Variants in PDZK1IP1 observed in about 807,000 individuals in gnomAD.
PDZK1IP1 encodes the protein PDZK1-interacting protein 1.
In PDZK1IP1, 9 loss-of-function variants were observed where a neutral mutation model predicts 14.7. The observed-to-expected ratio is 0.61, with a 90% confidence interval of 0.37 to 1.07. The LOEUF (loss-of-function observed/expected upper bound fraction) is 1.07, where lower values mean the gene tolerates loss of function less well. Among genes scored for constraint, PDZK1IP1 ranks in the 50% least tolerant of loss-of-function variants. The pLI, the probability that PDZK1IP1 is intolerant of heterozygous loss-of-function variation, is 0.01. For missense variants in PDZK1IP1, 152 were observed against 148.7 expected, an observed-to-expected ratio of 1.02 and a Z score of -0.11; for synonymous variants, 70 against 61.2, an observed-to-expected ratio of 1.14 and a Z score of -0.67.
chr1:47,189,838 C>T lies in PDZK1IP1; in HGVS notation c.67+28G>A, dbSNP rs866269239. The T allele has an allele frequency of 1.7e-5, 27 of 1,559,800 alleles. No homozygotes were observed. The Middle Eastern group carries it at 1.9e-3, about 111-fold the overall frequency. ...ACCACCTGTCCACCCCTGGGTCTCC[C>T]GTGCCCAGCCCTCTCCTCCTGAGCT... On this transcript the variant is annotated intron_variant, in intron 1 of 3. Transcript: ENST00000294338.
chr1:47,189,067 A>G (rs895325926), intron 1 of PDZK1IP1, among the ~76,000 whole-genome samples: 7 of 135,642 alleles, frequency 5.2e-5, no homozygotes, highest in African/African-American at 1.7e-4. Context: ...CTGTGACTCA[A>G]CCTCTCTGGT....
At position 47,186,238 on chromosome 1, in the gene PDZK1IP1, G is replaced by C. The variant is rs181934476; in HGVS notation, c.176+1081C>G. Among the ~76,000 whole-genome samples, 3 of 151,974 alleles carry C rather than the reference G, an allele frequency of 2.0e-5. No homozygotes were observed. In the East Asian group the frequency reaches 5.8e-4, roughly 29 times the overall value. On this transcript the variant is annotated intron_variant, in intron 2 of 3. Coordinates refer to ENST00000294338, the MANE Select transcript of PDZK1IP1 (RefSeq NM_005764.4). ...CAGGAGAACCGCTTGAACCCGGGAG[G>C]CAGAAGTTGCAGTGAGCCGAGATAG...
rs563149133 is a variant in PDZK1IP1, at chr1:47,187,259, A to G, written c.176+60T>C. 4.7e-5 allele frequency: 55 copies of G among 1,168,448 alleles called. No homozygotes were observed. The Admixed American group carries it at 6.1e-4, about 13-fold the overall frequency. The allele number at this position is 1,168,448 out of a possible 1,614,324, so 72.4% of individuals were successfully genotyped here. On this transcript the variant is annotated intron_variant, in intron 2 of 3. Transcript: ENST00000294338. ...CTGAGGCCCTTCTCACTGCTACTAG[A>G]GCAAGAGCAGTGGTCCTGGGCCCAC...
rs1645310573 is a variant in PDZK1IP1 at position 47,185,061 on chromosome 1, C to T, written c.213G>A (p.Lys71=). Reference sequence around the variant, plus strand: ...CTGTTCCCACCAGGACTCCATCTGCCTTGTTTCCGACGGTCAGGATCATGT... The same window carrying T: ...CTGTTCCCACCAGGACTCCATCTGCTTTGTTTCCGACGGTCAGGATCATGT... ...PAHMILTVGN[K]ADGVLVGTDG... Residue 71 remains lysine (K), a synonymous_variant, in exon 3 of 4, where the codon AAG becomes AAA. Transcript: ENST00000294338. The T allele has an allele frequency of 1.9e-6, 3 of 1,613,310 alleles. No individual in the cohort carries two copies. The South Asian group carries it at 3.3e-5, about 18-fold the overall frequency.
intron 2 of PDZK1IP1, chr1:47,185,350 G>A (rs1208436206): frequency 2.6e-5 from 12 of 456,978 alleles, no homozygotes; most frequent in South Asian, 4.4e-5. Flanking sequence ...TGTCCCAGAC[G>A]CCCTCAGTTC....
intron 1 of PDZK1IP1, 150 bp downstream of exon 1, chr1:47,189,716 T>C (rs1190779342): frequency 1.8e-6 from 1 of 550,720 alleles, no homozygotes; most frequent in East Asian, 3.2e-5. Context: ...GAGACTTGGT[T>C]CAGAGGTCTC....
intron 1 of PDZK1IP1, among the ~76,000 whole-genome samples, 181 bp downstream of exon 1, chr1:47,189,685 G>A (rs760029998): frequency 5.3e-5 from 8 of 152,234 alleles, no homozygotes; most frequent in Non-Finnish European, 8.8e-5. Context: ...GTTTTCACTC[G>A]TTGAAAACAA....
In PDZK1IP1 at chr1:47,183,792, C is replaced by T; in HGVS notation, c.*179G>A. On this transcript the variant is annotated 3_prime_UTR_variant, in exon 4 of 4. Coordinates refer to ENST00000294338, the MANE Select transcript of PDZK1IP1 (RefSeq NM_005764.4). ...GGCCACAGCCGAGCCCCAACCTAGA[C>T]ACGGTCTGAGCTCCAACCTTGGCTG... 1 of 630,436 alleles carries T rather than the reference C, an allele frequency of 1.6e-6. No homozygotes were observed. The allele number at this position is 630,436 out of a possible 1,614,324, so 39.1% of individuals were successfully genotyped here.
intron 3 of PDZK1IP1, 110 bp downstream of exon 3, chr1:47,184,892 G>T: frequency 1.2e-6 from 1 of 815,912 alleles, no homozygotes; most frequent in South Asian, 1.5e-5. Context: ...ACTAGCTTTT[G>T]CCCACATGAG....
At chr1:47,188,674 G>A (rs77635391) in intron 1 of PDZK1IP1, among the ~76,000 whole-genome samples, 6 of 152,246 alleles carry the variant, frequency 3.9e-5, no homozygotes, top group South Asian at 4.1e-4. Context: ...CCTCTTCTCC[G>A]AGCCTGGCAA....
At chr1:47,185,237 C>T (rs551469516) in intron 2 of PDZK1IP1, 140 bp from the exon 3 acceptor site, 43 of 668,812 alleles carry the variant, frequency 6.4e-5, no homozygotes, top group South Asian at 4.7e-4. Flanking sequence ...GCATGTCAGC[C>T]GCGGCTACTG....
In PDZK1IP1 at chr1:47,187,389, C is replaced by G. The variant is rs369958859; in HGVS notation, c.106G>C (p.Ala36Pro). The G allele has an allele frequency of 5.0e-6, 8 of 1,612,804 alleles. No homozygotes were observed. The highest frequency in any genetic ancestry group is 5.9e-6 in the Non-Finnish European group (7 of 1,179,958). ...NLQPWMQGLI[A>P]VAVFLVLVAI... Reference sequence around the variant, plus strand: ...ACGAGGACCAGGAACACGGCCACCGCGATAAGGCCCTGCATCCAGGGCTGA... The same window carrying G: ...ACGAGGACCAGGAACACGGCCACCGGGATAAGGCCCTGCATCCAGGGCTGA... Residue 36 changes from alanine (A) to proline (P), a missense_variant, in exon 2 of 4, where the codon GCG (alanine) becomes CCG (proline). Ala to Pro is a conservative substitution (Grantham distance 27). Coordinates refer to ENST00000294338, the MANE Select transcript of PDZK1IP1 (RefSeq NM_005764.4).
chr1:47,185,167 T>A (rs1416468126), intron 2 of PDZK1IP1, 70 bp from the exon 3 acceptor site: 4 of 1,201,790 alleles, frequency 3.3e-6, no homozygotes, highest in African/African-American at 3.0e-5. Context: ...CTATTCTGGG[T>A]CCTGGTTCTC....
intron 1 of PDZK1IP1, among the ~76,000 whole-genome samples, chr1:47,188,529 A>G (rs887753945): frequency 1.3e-5 from 2 of 152,226 alleles, no homozygotes; most frequent in African/African-American, 2.4e-5. Flanking sequence ...TCCTGCCTCC[A>G]GGCCAGAATA....
At chr1:47,187,083 C>T (rs150107802) in intron 2 of PDZK1IP1, among the ~76,000 whole-genome samples, 47 of 152,338 alleles carry the variant, frequency 3.1e-4, no homozygotes, top group Middle Eastern at 3.4e-3. Flanking sequence ...GGAGTGGGCA[C>T]CAGAGCTGTG....
intron 1 of PDZK1IP1, 48 bp from the exon 2 acceptor site, chr1:47,187,475 C>A (rs1333241344): frequency 6.8e-7 from 1 of 1,470,818 alleles, no homozygotes; most frequent in Non-Finnish European, 9.5e-7. Flanking sequence ...AGTGGGGCTG[C>A]ATGTGCAGGA....
At position 47,184,036 on chromosome 1, in the gene PDZK1IP1, C is replaced by G. The variant is rs1035797744; in HGVS notation, c.280G>C (p.Glu94Gln). The change falls in exon 4 of 4, where the codon GAG (glutamate) becomes CAG (glutamine). Residue 94 changes from glutamate to glutamine, a missense_variant. By Grantham distance (29) the Glu-to-Gln change is conservative. Coordinates refer to ENST00000294338, the MANE Select transcript of PDZK1IP1 (RefSeq NM_005764.4). Reference protein sequence around the residue: ...SSMAASFRSSEHENAYENVPE... With the variant: ...SSMAASFRSSQHENAYENVPE... Reference sequence around the variant, plus strand: ...ACATTCTCATAGGCATTCTCATGCTCACTGGACCTGAAAGAAGAAGGCATG... The same window carrying G: ...ACATTCTCATAGGCATTCTCATGCTGACTGGACCTGAAAGAAGAAGGCATG... The G allele has an allele frequency of 1.3e-6, 2 of 1,589,612 alleles. No homozygotes were observed. The highest frequency in any genetic ancestry group is 1.8e-5 in the Admixed American group (1 of 56,910).
At chr1:47,188,495 G>C (rs1265799997) in intron 1 of PDZK1IP1, among the ~76,000 whole-genome samples, 2 of 152,212 alleles carry the variant, frequency 1.3e-5, no homozygotes, top group Non-Finnish European at 2.9e-5. Flanking sequence ...ACAAAACACA[G>C]GTCAGCAGGG....
chr1:47,188,818 G>A (rs961361433), intron 1 of PDZK1IP1, among the ~76,000 whole-genome samples: 2 of 152,276 alleles, frequency 1.3e-5, no homozygotes, highest in Non-Finnish European at 2.9e-5. Flanking sequence ...GCAGTATTTG[G>A]GAGTCATTGT....
Sources: gnomAD v4.1 joint callset for allele counts (sites outside exome capture counted in the v4.1 genomes callset) on GRCh38, gnomAD v4.1.1 for gene constraint, MANE v1.5 for transcripts, NCBI Gene and HGNC (gene_info 2026-07-23, HGNC 2026-07-21) for gene names.